Variants in CSMD3 observed in about 807,000 individuals in gnomAD.
CSMD3 encodes the protein CUB and Sushi multiple domains 3.
CSMD3 carries 177 observed loss-of-function variants against 435.2 expected under a neutral mutation model. The observed-to-expected ratio is 0.41, with a 90% CI of 0.36 to 0.46. The LOEUF (loss-of-function observed/expected upper bound fraction) is 0.46. Among genes scored for constraint, CSMD3 ranks in the 20% least tolerant of loss-of-function variants. The pLI is 0.34. For synonymous variants in CSMD3, 1,656 were observed against 1,520.5 expected (o/e 1.09, Z -2.07); for missense variants, 4,265 against 4,504.6 (o/e 0.95, Z 1.52).
At chr8:112,296,777 A>G (rs1312864343) in intron 53 of CSMD3, among the ~76,000 whole-genome samples, 2 of 151,964 alleles carry the variant, frequency 1.3e-5, no homozygotes, top group African/African-American at 4.8e-5. Context: ...AAGATTACGA[A>G]TAATAGAGAA....
intron 13 of CSMD3, among the ~76,000 whole-genome samples, chr8:112,722,848 T>A (rs2076887769): frequency 6.6e-6 from 1 of 152,098 alleles, no homozygotes; most frequent in Admixed American, 6.6e-5. Flanking sequence ...ACAATTTAAG[T>A]GGGAGTATTA....
chr8:112,889,371 C>A (rs983716472), intron 10 of CSMD3, among the ~76,000 whole-genome samples: 6 of 151,598 alleles, frequency 4.0e-5, no homozygotes, highest in African/African-American at 1.5e-4. Flanking sequence ...AGCTGGCATT[C>A]TTCCATATCA....
chr8:112,289,591 A>G (rs1819559847), intron 56 of CSMD3, 53 bp from the exon 57 acceptor site: 1 of 1,143,448 alleles, frequency 8.7e-7, no homozygotes, highest in African/African-American at 1.6e-5. Context: ...CTATCGAACA[A>G]CCTATACCAG....
chr8:113,369,163 A>G (rs530860016), intron 1 of CSMD3, among the ~76,000 whole-genome samples: 1 of 152,130 alleles, frequency 6.6e-6, no homozygotes, highest in South Asian at 2.1e-4. Context: ...CAGAAAAATG[A>G]TGATTCAGGT....
chr8:112,387,495 G>GTGTGTA (rs1830079628), intron 36 of CSMD3, among the ~76,000 whole-genome samples: 1 of 151,654 alleles, frequency 6.6e-6, no homozygotes, highest in African/African-American at 2.4e-5. Flanking sequence ...GTGTGTGTGT[G>GTGTGTA]TGTGTGTGTT....
At chr8:112,638,576 T>A in intron 21 of CSMD3, 120 bp downstream of exon 21, 1 of 694,562 alleles carries the variant, frequency 1.4e-6, no homozygotes, top group Non-Finnish European at 2.5e-6. Context: ...CTTTCTTCTT[T>A]TTAAAATTTT....
chr8:113,288,502 T>C (rs956633244), intron 2 of CSMD3, among the ~76,000 whole-genome samples: 9 of 151,924 alleles, frequency 5.9e-5, no homozygotes, highest in South Asian at 2.1e-4. Context: ...AAACCTTCTA[T>C]AATGTCCCCC....
chr8:113,266,201 A>G (rs2093469778), intron 3 of CSMD3, among the ~76,000 whole-genome samples: 1 of 148,782 alleles, frequency 6.7e-6, no homozygotes, highest in African/African-American at 2.5e-5. Context: ...AAAAAAAACT[A>G]AAGTAATTTA....
At chr8:112,538,999 A>C (rs990061026) in intron 27 of CSMD3, 3 of 153,082 alleles carry the variant, frequency 2.0e-5, no homozygotes, top group Admixed American at 6.6e-5. Flanking sequence ...ACATAGATGC[A>C]AAGAGCCTCA....
chr8:112,310,205 T>C (rs572843562), intron 50 of CSMD3: 115 of 152,458 alleles, frequency 7.5e-4, no homozygotes, highest in African/African-American at 2.7e-3. Context: ...AAAACAAGTC[T>C]TTTTGTTTTG....
At chr8:113,013,718 T>C (rs564142531) in intron 6 of CSMD3, among the ~76,000 whole-genome samples, 21 of 152,060 alleles carry the variant, frequency 1.4e-4, no homozygotes, top group Non-Finnish European at 2.9e-4. Context: ...TCTTCTGCTC[T>C]TTAACCACTG....
At position 112,556,907 on chromosome 8, in the gene CSMD3, A is replaced by G; in HGVS notation, c.4090T>C (p.Tyr1364His). 1.2e-6 allele frequency: 2 copies of G among 1,612,278 alleles called. No individual in the cohort carries two copies. The highest frequency in any genetic ancestry group is 1.7e-6 in the Non-Finnish European group (2 of 1,178,880). Residue 1364 changes from tyrosine (Y) to histidine (H), a missense_variant, in exon 25 of 71, where the codon TAC (tyrosine) becomes CAC (histidine). By Grantham distance (83) the Tyr-to-His change is moderately conservative. Coordinates refer to ENST00000297405, the MANE Select transcript of CSMD3 (RefSeq NM_198123.2). ...CEDPGIPQFG[Y>H]KISDQGHFAG... ...AAGTGGCCTTGGTCACTGATCTTGT[A>G]TCCAAATTGTGGAATGCCAGGATCT...
At chr8:112,844,231 A>C (rs1458996) in intron 11 of CSMD3, among the ~76,000 whole-genome samples, 2,973 of 152,050 alleles carry the variant, frequency 0.02, 95 homozygotes, top group African/African-American at 0.068. Context: ...TAAAATCATG[A>C]GTTTTTTCCT....
At chr8:113,311,148 A>G (rs1293899791) in intron 2 of CSMD3, 1 of 152,042 alleles carries the variant, frequency 6.6e-6, no homozygotes, top group African/African-American at 2.4e-5. Flanking sequence ...TATTAATGTA[A>G]AATAAACAAG....
At chr8:112,365,051 T>C (rs59265979) in intron 38 of CSMD3, among the ~76,000 whole-genome samples, 59,858 of 151,842 alleles carry the variant, frequency 0.39, 13,278 homozygotes, top group Middle Eastern at 0.54. Context: ...TGATAGCCTA[T>C]ATCATAAAAT....
At chr8:113,189,539 A>T (rs951113792) in intron 3 of CSMD3, among the ~76,000 whole-genome samples, 3 of 151,748 alleles carry the variant, frequency 2.0e-5, no homozygotes, top group Admixed American at 2.0e-4. Flanking sequence ...GTATGAAAAC[A>T]CTCTTAATCA....
intron 16 of CSMD3, among the ~76,000 whole-genome samples, chr8:112,678,707 C>CAT (rs60904597): frequency 0.33 from 50,406 of 150,822 alleles, 9,274 homozygotes; most frequent in African/African-American, 0.5. Context: ...CACAACAATC[C>CAT]ATATATATAT....
intron 10 of CSMD3, among the ~76,000 whole-genome samples, chr8:112,879,141 G>A (rs1232173371): frequency 6.6e-6 from 1 of 152,036 alleles, no homozygotes; most frequent in Non-Finnish European, 1.5e-5. Context: ...GCCCAAAATG[G>A]GTAAGAGAAA....
chr8:112,354,557 A>T (rs1826416508), intron 38 of CSMD3, among the ~76,000 whole-genome samples: 1 of 152,190 alleles, frequency 6.6e-6, no homozygotes, highest in Admixed American at 6.5e-5. Context: ...CACCAACAAC[A>T]TCCAGGCTGA....
Sources: allele counts gnomAD v4.1 joint callset (sites outside exome capture counted in the v4.1 genomes callset), GRCh38; gene constraint gnomAD v4.1.1; transcripts MANE v1.5; gene names NCBI Gene and HGNC (gene_info 2026-07-23, HGNC 2026-07-21).